Variants in DNMT3B observed in about 807,000 individuals in gnomAD.
DNMT3B encodes the protein DNA (cytosine-5)-methyltransferase 3B.
In DNMT3B, 37 loss-of-function variants were observed where a neutral mutation model predicts 120.2. That is an observed-to-expected ratio of 0.31 (90% CI 0.24 to 0.40). The LOEUF is 0.40. Ranked by LOEUF, DNMT3B falls within the 10% of genes least tolerant of loss-of-function variation. The pLI, the probability that DNMT3B is intolerant of heterozygous loss-of-function variation, is 1.00. For missense variants in DNMT3B, 878 were observed against 1,137.3 expected, an observed-to-expected ratio of 0.77 and a Z score of 3.28; for synonymous variants, 412 against 442.8, an observed-to-expected ratio of 0.93 and a Z score of 0.87.
At chr20:32,790,965 C>G (rs779375220) in intron 7 of DNMT3B, among the ~76,000 whole-genome samples, 1 of 152,200 alleles carries the variant, frequency 6.6e-6, no homozygotes, top group East Asian at 1.9e-4. Context: ...TCTGGCCTTT[C>G]AGTTCTGATT....
intron 20 of DNMT3B, 114 bp from the exon 21 acceptor site, chr20:32,805,224 A>T: frequency 7.8e-7 from 1 of 1,286,114 alleles, no homozygotes; most frequent in Non-Finnish European, 1.1e-6. Flanking sequence ...ATTTATTTGT[A>T]GCCAAGTTCA....
chr20:32,779,302 G>A (rs1334571544), intron 1 of DNMT3B, among the ~76,000 whole-genome samples: 3 of 152,184 alleles, frequency 2.0e-5, no homozygotes, highest in African/African-American at 7.2e-5. Flanking sequence ...TTTTTTACTC[G>A]TTCTCTATCT....
chr20:32,780,074 TCCTGGGTGCTGG>T, intron 1 of DNMT3B: 16 of 1,609,128 alleles, frequency 9.9e-6, no homozygotes, highest in Non-Finnish European at 1.4e-5. Flanking sequence ...CCCCACTCTG[TCCTGGGTGCTGG>T]CGTCTGAGCC....
intron 1 of DNMT3B, among the ~76,000 whole-genome samples, chr20:32,771,306 A>G (rs1987720200): frequency 6.6e-6 from 1 of 152,146 alleles, no homozygotes; most frequent in African/African-American, 2.4e-5. Flanking sequence ...GAACTTTTCA[A>G]TAAGGCTTGC....
In DNMT3B at chr20:32,780,251, G is replaced by A. The variant is rs955051695; in HGVS notation, c.-6-67G>A. 35 of 1,613,044 alleles carry A rather than the reference G, an allele frequency of 2.2e-5. No individual in the cohort carries two copies. In the Admixed American group the frequency reaches 4.8e-4, roughly 22 times the overall value. ...GGCCTGAGAACACAGAGCCCATGGC[G>A]GGGGAACACTGTCCCTCTCATGTCC... On this transcript the variant is annotated intron_variant, in intron 1 of 22. Transcript: ENST00000328111.
intron 1 of DNMT3B, among the ~76,000 whole-genome samples, chr20:32,772,017 A>G (rs1313145881): frequency 6.6e-6 from 1 of 152,206 alleles, no homozygotes; most frequent in Non-Finnish European, 1.5e-5. Flanking sequence ...ATGTTGCATT[A>G]TGCAGGTTTC....
At chr20:32,779,026 G>T (rs1453768522) in intron 1 of DNMT3B, among the ~76,000 whole-genome samples, 2 of 152,138 alleles carry the variant, frequency 1.3e-5, no homozygotes, top group African/African-American at 2.4e-5. Context: ...GTCTGGCAGG[G>T]GCTGGTATGT....
intron 7 of DNMT3B, 34 bp from the exon 8 acceptor site, chr20:32,791,567 G>A: frequency 1.2e-6 from 2 of 1,607,152 alleles, no homozygotes; most frequent in East Asian, 4.5e-5. Context: ...GGACACACCT[G>A]TAGGTGGATG....
At chr20:32,765,651 C>T (rs1313512245) in intron 1 of DNMT3B, among the ~76,000 whole-genome samples, 1 of 150,936 alleles carries the variant, frequency 6.6e-6, no homozygotes, top group East Asian at 1.9e-4. Context: ...AAACTCCTGA[C>T]CTCAAGTGAT....
chr20:32,795,436 A>G lies in DNMT3B; in HGVS notation c.1154A>G (p.Asp385Gly). 1 of 1,614,132 alleles carries G rather than the reference A, an allele frequency of 6.2e-7. No individual in the cohort carries two copies. Among genetic ancestry groups the G allele is most frequent in the Non-Finnish European group, 8.5e-7 (1 of 1,180,016 alleles). The change falls in exon 11 of 23, where the codon GAC becomes GGC. Residue 385 changes from aspartate (D) to glycine (G), a missense_variant. Physicochemically the swap from Asp to Gly is moderately conservative, Grantham distance 94. Coordinates refer to ENST00000328111, the MANE Select transcript of DNMT3B (RefSeq NM_006892.4). ...YENKTRRRTADDSATSDYCPA... is the reference protein window; with the variant it reads ...YENKTRRRTAGDSATSDYCPA... ...AACAAGACTCGAAGACGCACAGCTG[A>G]CGACTCAGCCACCTCTGACTACTGC...
intron 1 of DNMT3B, among the ~76,000 whole-genome samples, chr20:32,763,408 C>T (rs1987097157): frequency 6.6e-6 from 1 of 152,192 alleles, no homozygotes. Flanking sequence ...CACACCTGGC[C>T]CGGGAGGAGC....
Position 32,780,425 on chromosome 20 carries a change from G to A in DNMT3B, c.102G>A (p.Ser34=), listed in dbSNP as rs564154904. ...NGACSDQSSD[S]PPILEAIRTP... ...CCTGCAGCGACCAGTCCTCCGACTC[G>A]CCCCCAATCCTGGAGGCTATCCGCA... The change falls in exon 2 of 23, where the codon TCG becomes TCA. Residue 34 remains serine, a synonymous_variant. Transcript: ENST00000328111. The A allele has an allele frequency of 2.7e-5, 44 of 1,613,644 alleles. No homozygotes were observed. In the Middle Eastern group the frequency reaches 3.0e-3, roughly 109 times the overall value.
At chr20:32,791,186 T>G (rs1242379737) in intron 7 of DNMT3B, among the ~76,000 whole-genome samples, 1 of 152,102 alleles carries the variant, frequency 6.6e-6, no homozygotes, top group Non-Finnish European at 1.5e-5. Context: ...GGGTAAAGAG[T>G]AAACAATTAT....
At chr20:32,763,766 C>T (rs1987123054) in intron 1 of DNMT3B, among the ~76,000 whole-genome samples, 1 of 152,220 alleles carries the variant, frequency 6.6e-6, no homozygotes, top group African/African-American at 2.4e-5. Flanking sequence ...TTCCCTGCTC[C>T]CTTTTCCTCC....
At chr20:32,777,497 G>A (rs921087139) in intron 1 of DNMT3B, among the ~76,000 whole-genome samples, 1 of 152,142 alleles carries the variant, frequency 6.6e-6, no homozygotes, top group Non-Finnish European at 1.5e-5. Context: ...CTGGATGAAG[G>A]CGAAGGAGGT....
chr20:32,777,543 GC>G (rs1988128107), intron 1 of DNMT3B, among the ~76,000 whole-genome samples: 1 of 152,166 alleles, frequency 6.6e-6, no homozygotes, highest in Non-Finnish European at 1.5e-5. Context: ...TCTGCTACCA[GC>G]TCCTGGCCAC....
chr20:32,765,962 T>A (rs1987342060), intron 1 of DNMT3B, among the ~76,000 whole-genome samples: 1 of 151,864 alleles, frequency 6.6e-6, no homozygotes, highest in African/African-American at 2.4e-5. Context: ...TTTCACCGTG[T>A]TCGCCAGGAT....
chr20:32,794,508 G>T (rs368071309), intron 10 of DNMT3B, among the ~76,000 whole-genome samples: 1 of 151,966 alleles, frequency 6.6e-6, no homozygotes, highest in Non-Finnish European at 1.5e-5. Flanking sequence ...ATGAAACCCC[G>T]TCTCTACTAA....
At chr20:32,765,876 C>G (rs1376274109) in intron 1 of DNMT3B, among the ~76,000 whole-genome samples, 1 of 151,618 alleles carries the variant, frequency 6.6e-6, no homozygotes, top group Non-Finnish European at 1.5e-5. Context: ...CTGCCTCAGC[C>G]TCCCAAGTAG....
Sources: allele counts gnomAD v4.1 joint callset (sites outside exome capture counted in the v4.1 genomes callset), GRCh38; gene constraint gnomAD v4.1.1; transcripts MANE v1.5; gene names NCBI Gene and HGNC (gene_info 2026-07-23, HGNC 2026-07-21).